The following FARS2 variants were observed in gnomAD, a reference collection of about 807,000 sequenced individuals.
The protein encoded by FARS2 is phenylalanine--tRNA ligase, mitochondrial.
Under a neutral mutation model 46.4 loss-of-function variants are expected in FARS2, and 40 were observed. That is an observed-to-expected ratio of 0.86 (90% CI 0.67 to 1.12). The LOEUF is 1.12. FARS2 is among the 50% of genes most tolerant of loss of function. The pLI, the probability that FARS2 is intolerant of heterozygous loss-of-function variation, is 0.00. For synonymous variants in FARS2, 234 were observed against 214.9 expected (o/e 1.09, Z -0.78); for missense variants, 513 against 567.9 (o/e 0.90, Z 0.98).
intron 3 of FARS2, among the ~76,000 whole-genome samples, chr6:5,418,686 T>G (rs1762378251): frequency 6.6e-6 from 1 of 152,084 alleles, no homozygotes; most frequent in Admixed American, 6.5e-5. Flanking sequence ...AGCTCTCTTC[T>G]CTCCTTTACT....
chr6:5,383,545 A>G (rs1480331661), intron 2 of FARS2, among the ~76,000 whole-genome samples: 1 of 143,966 alleles, frequency 6.9e-6, no homozygotes, highest in Admixed American at 6.7e-5. Context: ...TTCAGCGTCC[A>G]TAACTAAAAT....
intron 1 of FARS2, among the ~76,000 whole-genome samples, chr6:5,274,774 A>G (rs1766214514): frequency 6.6e-6 from 1 of 152,064 alleles, no homozygotes; most frequent in Non-Finnish European, 1.5e-5. Flanking sequence ...GCAGTGGCAC[A>G]GTCATGGCTC....
chr6:5,717,613 T>C (rs1478426706), intron 6 of FARS2, among the ~76,000 whole-genome samples: 4 of 152,162 alleles, frequency 2.6e-5, no homozygotes, highest in African/African-American at 9.7e-5. Flanking sequence ...TTGGCAAGAC[T>C]ACTTCATGAG....
chr6:5,643,339 C>T (rs1300719702), intron 6 of FARS2, among the ~76,000 whole-genome samples: 1 of 152,148 alleles, frequency 6.6e-6, no homozygotes, highest in African/African-American at 2.4e-5. Flanking sequence ...TTACCTTACA[C>T]GTGCTTCACT....
At chr6:5,541,632 T>G (rs926839871) in intron 4 of FARS2, among the ~76,000 whole-genome samples, 4 of 152,220 alleles carry the variant, frequency 2.6e-5, no homozygotes, top group African/African-American at 9.7e-5. Flanking sequence ...TTTTTATTAC[T>G]AGGTCATATT....
intron 2 of FARS2, among the ~76,000 whole-genome samples, 191 bp downstream of exon 2, chr6:5,369,373 A>C (rs1758893600): frequency 6.6e-6 from 1 of 152,118 alleles, no homozygotes; most frequent in Non-Finnish European, 1.5e-5. Context: ...TTGTTGTGTT[A>C]GTAACTACAG....
At chr6:5,527,978 G>A (rs1373886552) in intron 4 of FARS2, among the ~76,000 whole-genome samples, 1 of 152,130 alleles carries the variant, frequency 6.6e-6, no homozygotes, top group African/African-American at 2.4e-5. Context: ...GTAGGAGGTG[G>A]TATGTGAGTC....
At chr6:5,643,381 C>T (rs1042961950) in intron 6 of FARS2, among the ~76,000 whole-genome samples, 1 of 152,128 alleles carries the variant, frequency 6.6e-6, no homozygotes, top group Non-Finnish European at 1.5e-5. Context: ...GATGTGGGCT[C>T]AGAAGGGCAG....
At chr6:5,446,299 T>C (rs1398908621) in intron 4 of FARS2, among the ~76,000 whole-genome samples, 1 of 152,124 alleles carries the variant, frequency 6.6e-6, no homozygotes, top group African/African-American at 2.4e-5. Flanking sequence ...GAACATCCAT[T>C]TATCATTTTA....
intron 4 of FARS2, among the ~76,000 whole-genome samples, chr6:5,500,933 CGAGA>C (rs58128430): frequency 0.25 from 35,378 of 143,178 alleles, 5,205 homozygotes; most frequent in African/African-American, 0.41. Context: ...TTCAAATCCC[CGAGA>C]GAGAGAGAGA....
At chr6:5,322,089 A>G (rs1770018332) in intron 1 of FARS2, among the ~76,000 whole-genome samples, 1 of 152,254 alleles carries the variant, frequency 6.6e-6, no homozygotes, top group Admixed American at 6.5e-5. Context: ...ATGAACAATA[A>G]TGGTGACCAA....
chr6:5,767,639 G>A (rs1042318398), intron 6 of FARS2, among the ~76,000 whole-genome samples: 1 of 152,128 alleles, frequency 6.6e-6, no homozygotes, highest in East Asian at 1.9e-4. Context: ...GTTACTTATG[G>A]TCTTTGTGCC....
chr6:5,394,597 A>G (rs1258510662), intron 2 of FARS2, among the ~76,000 whole-genome samples: 4 of 152,168 alleles, frequency 2.6e-5, no homozygotes, highest in African/African-American at 9.7e-5. Flanking sequence ...AGGTTTTATT[A>G]CTCAGGTTTT....
At chr6:5,260,560 A>C (rs933109174), upstream of FARS2, 50 of 1,496,044 alleles carry the variant, frequency 3.3e-5, no homozygotes, top group Non-Finnish European at 4.2e-5. Context: ...GGTGGCTCCC[A>C]GTCCCCGGGG....
chr6:5,396,892 A>G (rs1369119665), intron 2 of FARS2, among the ~76,000 whole-genome samples: 2 of 152,100 alleles, frequency 1.3e-5, no homozygotes, highest in African/African-American at 4.8e-5. Flanking sequence ...TTTGAAGGCA[A>G]GTGTCCCCTA....
intron 2 of FARS2, 77 bp from the exon 3 acceptor site, chr6:5,404,465 T>G: frequency 1.0e-6 from 1 of 970,108 alleles, no homozygotes; most frequent in South Asian, 2.5e-5. Flanking sequence ...CAAAAGATTC[T>G]TAGCAGAATT....
chr6:5,758,846 G>A (rs1762344860), intron 6 of FARS2, among the ~76,000 whole-genome samples: 1 of 152,160 alleles, frequency 6.6e-6, no homozygotes, highest in Non-Finnish European at 1.5e-5. Context: ...GCTGTGTTGA[G>A]TGGGGCAGAA....
In FARS2 at chr6:5,556,751, G is replaced by A. The variant is rs537419533; in HGVS notation, c.1065+11411G>A. ...AGCATTTTCTTACAGTTTTCTTGTA[G>A]TGTAGATTGGAAGAATGTTAAACAT... On this transcript the variant is annotated intron_variant, in intron 5 of 6. Coordinates refer to ENST00000274680, the MANE Select transcript of FARS2 (RefSeq NM_006567.5). 6.9e-4 allele frequency among the ~76,000 whole-genome samples: 105 copies of A among 152,198 alleles called. 1 individual carries two copies. Among genetic ancestry groups the A allele is most frequent in the African/African-American group, 2.5e-3 (103 of 41,512 alleles).
At chr6:5,683,447 G>C (rs1779131622) in intron 6 of FARS2, among the ~76,000 whole-genome samples, 1 of 152,070 alleles carries the variant, frequency 6.6e-6, no homozygotes, top group African/African-American at 2.4e-5. Context: ...AGTTAGTCTG[G>C]GAGCTGCTCC....
Sources: gnomAD v4.1 joint callset for allele counts (sites outside exome capture counted in the v4.1 genomes callset) on GRCh38, gnomAD v4.1.1 for gene constraint, MANE v1.5 for transcripts, NCBI Gene and HGNC (gene_info 2026-07-23, HGNC 2026-07-21) for gene names.